The following PAPSS1 variants were observed in gnomAD, a reference collection of about 807,000 sequenced individuals.
PAPSS1 encodes 3'-phosphoadenosine 5'-phosphosulfate synthase 1.
A neutral mutation model predicts 72.0 loss-of-function variants in PAPSS1; 50 were observed. The ratio of observed to expected loss-of-function variants is 0.69; its 90% CI spans 0.55 to 0.88. PAPSS1 has a LOEUF of 0.88. PAPSS1 is among the 40% of genes least tolerant of loss of function. PAPSS1 has a pLI of 0.00. For synonymous variants in PAPSS1, 261 were observed against 263.6 expected (o/e 0.99, Z 0.09); for missense variants, 657 against 782.2 (o/e 0.84, Z 1.91).
intron 3 of PAPSS1, among the ~76,000 whole-genome samples, chr4:107,692,528 T>C (rs4956128): frequency 0.82 from 125,375 of 152,156 alleles, 53,573 homozygotes; most frequent in South Asian, 0.95. Flanking sequence ...TGCTTTTACA[T>C]TGTAGGTGAG....
chr4:107,694,123 G>A (rs1560587788), intron 2 of PAPSS1, 117 bp from the exon 3 acceptor site: 20 of 701,950 alleles, frequency 2.8e-5, no homozygotes, highest in Non-Finnish European at 4.8e-5. Context: ...CTGGAGTGCA[G>A]AGGCTGCATA....
At chr4:107,686,929 A>G in intron 4 of PAPSS1, 110 bp downstream of exon 4, 1 of 963,132 alleles carries the variant, frequency 1.0e-6, no homozygotes, top group South Asian at 1.5e-5. Context: ...TCTCTCCTCA[A>G]GGAGCTCCAA....
At chr4:107,636,738 G>C (rs976973777) in intron 10 of PAPSS1, among the ~76,000 whole-genome samples, 5 of 152,042 alleles carry the variant, frequency 3.3e-5, no homozygotes, top group African/African-American at 1.2e-4. Context: ...TAATACTTAG[G>C]TTCCATAATT....
At chr4:107,684,118 T>A (rs1722710165) in intron 4 of PAPSS1, among the ~76,000 whole-genome samples, 1 of 152,154 alleles carries the variant, frequency 6.6e-6, no homozygotes, top group Non-Finnish European at 1.5e-5. Flanking sequence ...GAGTACAAAC[T>A]GTAAGAGACC....
rs74963098 is a variant in PAPSS1 at position 107,697,862 on chromosome 4, T to C, written c.175+3309A>G. Among the ~76,000 whole-genome samples the C allele has an allele frequency of 4.3e-3, 647 of 152,232 alleles. 3 individuals carry two copies. Among genetic ancestry groups the C allele is most frequent in the African/African-American group, 0.015 (615 of 41,540 alleles). On this transcript the variant is annotated intron_variant, in intron 2 of 11. Coordinates refer to ENST00000265174, the MANE Select transcript of PAPSS1 (RefSeq NM_005443.5). ...CAATCAAATTAAGAGGAGGTCATACTGGATTAGGGTGATCCAACAGCTGGT... is the reference window on the plus strand; with the variant it reads ...CAATCAAATTAAGAGGAGGTCATACCGGATTAGGGTGATCCAACAGCTGGT...
chr4:107,631,500 T>C lies in PAPSS1; in HGVS notation c.1736+131A>G, dbSNP rs140415487. Reference sequence around the variant, plus strand: ...CCAGAATGTTGGGAAATTACTTTTCTGGGTTTACCTTTCTCTGACATGAGT... The same window carrying C: ...CCAGAATGTTGGGAAATTACTTTTCCGGGTTTACCTTTCTCTGACATGAGT... On this transcript the variant is annotated intron_variant, in intron 11 of 11. Coordinates refer to ENST00000265174, the MANE Select transcript of PAPSS1 (RefSeq NM_005443.5). 750 of 607,624 alleles carry C rather than the reference T, an allele frequency of 1.2e-3. 2 individuals carry two copies. Among genetic ancestry groups the C allele is most frequent in the African/African-American group, 0.012 (637 of 53,986 alleles). The allele number at this position is 607,624 out of a possible 1,614,324, so 37.6% of individuals were successfully genotyped here.
intron 11 of PAPSS1, among the ~76,000 whole-genome samples, chr4:107,623,804 C>G (rs1255837859): frequency 6.6e-6 from 1 of 152,204 alleles, no homozygotes; most frequent in African/African-American, 2.4e-5. Flanking sequence ...AGGGCAAAAG[C>G]AGCTTCAACG....
chr4:107,616,216 C>T (rs1007042249), intron 11 of PAPSS1, among the ~76,000 whole-genome samples: 2 of 151,848 alleles, frequency 1.3e-5, no homozygotes, highest in Admixed American at 6.6e-5. Flanking sequence ...CTTACAAGTG[C>T]TTTTTATTTT....
In PAPSS1 at chr4:107,614,182, A is replaced by G. The variant is rs940333991; in HGVS notation, c.*67T>C. 1.9e-5 allele frequency: 28 copies of G among 1,483,506 alleles called. No individual in the cohort carries two copies. The highest frequency in any genetic ancestry group is 2.6e-5 in the Non-Finnish European group (28 of 1,081,930). The allele number at this position is 1,483,506 out of a possible 1,614,324, so 91.9% of individuals were successfully genotyped here. A position where few individuals can be genotyped will look rare whatever the true frequency, so the allele number is the denominator to read the frequency against. On this transcript the variant is annotated 3_prime_UTR_variant, in exon 12 of 12. Transcript: ENST00000265174. The stretch of plus-strand genomic sequence containing the variant: ...AGACAGACACCACAAAGAAATGCCA[A>G]CAGAGACTATGTGGTCCCCTCTTGT...
intron 9 of PAPSS1, among the ~76,000 whole-genome samples, chr4:107,646,245 T>C (rs1327223352): frequency 3.3e-5 from 5 of 151,958 alleles, no homozygotes; most frequent in African/African-American, 1.2e-4. Context: ...GTTTTACATA[T>C]GGACATAAAA....
At chr4:107,668,897 A>G (rs1472759770) in intron 5 of PAPSS1, among the ~76,000 whole-genome samples, 2 of 152,150 alleles carry the variant, frequency 1.3e-5, no homozygotes, top group Non-Finnish European at 2.9e-5. Flanking sequence ...ACACATTTAT[A>G]TATTCTTTTA....
intron 1 of PAPSS1, among the ~76,000 whole-genome samples, chr4:107,706,350 T>C (rs1322889788): frequency 6.6e-6 from 1 of 152,188 alleles, no homozygotes; most frequent in Non-Finnish European, 1.5e-5. Flanking sequence ...CCTCTAACTA[T>C]GGAAGAAATC....
chr4:107,646,030 C>CATTA (rs1380243853), intron 9 of PAPSS1, among the ~76,000 whole-genome samples: 7 of 152,092 alleles, frequency 4.6e-5, no homozygotes, highest in African/African-American at 9.7e-5. Flanking sequence ...ACAGCATGAT[C>CATTA]ATTACTCTTG....
Position 107,682,067 on chromosome 4 carries a change from G to A in PAPSS1, c.617C>T (p.Ser206Phe), listed in dbSNP as rs1436575817. The A allele has an allele frequency of 5.0e-6, 8 of 1,611,402 alleles. No individual in the cohort carries two copies. The highest frequency in any genetic ancestry group is 6.8e-6 in the Non-Finnish European group (8 of 1,178,020). The part of the protein sequence containing the change: ...EAPELVLKTD[S>F]CDVNDCVQQV... Reference sequence around the variant, plus strand: ...CTGGACACAGTCATTTACATCACAGGAGTCTGTTTTCAGCACCAACTCAGG... The same window carrying A: ...CTGGACACAGTCATTTACATCACAGAAGTCTGTTTTCAGCACCAACTCAGG... The change falls in exon 5 of 12, where the codon TCC becomes TTC. Residue 206 changes from serine to phenylalanine, a missense_variant. By Grantham distance (155) the Ser-to-Phe change is radical (BLOSUM62 -2). Transcript: ENST00000265174.
intron 1 of PAPSS1, among the ~76,000 whole-genome samples, chr4:107,706,909 T>A (rs1723351805): frequency 6.6e-6 from 1 of 152,188 alleles, no homozygotes; most frequent in African/African-American, 2.4e-5. Context: ...CTGGAGCGGA[T>A]GTGGAAGCCT....
In PAPSS1 at chr4:107,633,834, G is replaced by T. The variant is rs538650844; in HGVS notation, c.1507-1974C>A. Among the ~76,000 whole-genome samples the T allele has an allele frequency of 2.0e-5, 3 of 151,548 alleles. No individual in the cohort carries two copies. In the East Asian group the frequency reaches 5.9e-4, roughly 30 times the overall value. Reference sequence around the variant, plus strand: ...CTCGGGAGGCTGAGGCAGGAGAATGGCGTGAACCCGGGAGGCGGAGCTTGC... The same window carrying T: ...CTCGGGAGGCTGAGGCAGGAGAATGTCGTGAACCCGGGAGGCGGAGCTTGC... On this transcript the variant is annotated intron_variant, in intron 10 of 11. Transcript: ENST00000265174.
chr4:107,685,924 A>G (rs900168436), intron 4 of PAPSS1, among the ~76,000 whole-genome samples: 1 of 152,112 alleles, frequency 6.6e-6, no homozygotes, highest in Non-Finnish European at 1.5e-5. Flanking sequence ...GCAAACTTAA[A>G]AGTTACCTGC....
At chr4:107,703,111 T>G (rs564935134) in intron 1 of PAPSS1, among the ~76,000 whole-genome samples, 103 of 152,304 alleles carry the variant, frequency 6.8e-4, no homozygotes, top group African/African-American at 2.4e-3. Flanking sequence ...GAGCCGATGA[T>G]TAGAGAAGTT....
chr4:107,656,848 T>C, intron 7 of PAPSS1, 48 bp downstream of exon 7: 1 of 1,262,690 alleles, frequency 7.9e-7, no homozygotes, highest in Non-Finnish European at 1.2e-6. Flanking sequence ...TGCAACTATG[T>C]AATTTCTCTT....
Sources: gnomAD v4.1 joint callset for allele counts (sites outside exome capture counted in the v4.1 genomes callset) on GRCh38, gnomAD v4.1.1 for gene constraint, MANE v1.5 for transcripts, NCBI Gene and HGNC (gene_info 2026-07-23, HGNC 2026-07-21) for gene names.